Variants in TDP1 observed in about 807,000 individuals in gnomAD.
The protein encoded by TDP1 is tyrosyl-DNA phosphodiesterase 1.
A neutral mutation model predicts 81.5 loss-of-function variants in TDP1; 64 were observed. The observed-to-expected ratio is 0.79, with a 90% CI of 0.64 to 0.97. TDP1 has a LOEUF of 0.97. Among genes scored for constraint, TDP1 ranks in the 50% least tolerant of loss-of-function variants. The pLI is 0.00. For missense variants in TDP1, 723 were observed against 743.8 expected, an observed-to-expected ratio of 0.97 and a Z score of 0.33; for synonymous variants, 256 against 264.3, an observed-to-expected ratio of 0.97 and a Z score of 0.30.
chr14:89,998,670 C>T (rs910977667), intron 14 of TDP1, among the ~76,000 whole-genome samples: 2 of 151,510 alleles, frequency 1.3e-5, no homozygotes, highest in Non-Finnish European at 2.9e-5. Flanking sequence ...GGCCTTCTGA[C>T]GTGGTGACAT....
intron 2 of TDP1, among the ~76,000 whole-genome samples, chr14:89,961,032 CAG>C (rs1422794582): frequency 6.6e-6 from 1 of 152,120 alleles, no homozygotes; most frequent in Non-Finnish European, 1.5e-5. Context: ...GAGGGTAGAA[CAG>C]AGATTTATAC....
chr14:89,958,877 C>A (rs1402872438), intron 2 of TDP1, among the ~76,000 whole-genome samples: 1 of 152,236 alleles, frequency 6.6e-6, no homozygotes, highest in Non-Finnish European at 1.5e-5. Context: ...TGAATCCAAT[C>A]ATTCTTTTAC....
chr14:89,992,753 C>T (rs1896322908), intron 13 of TDP1, among the ~76,000 whole-genome samples: 1 of 152,144 alleles, frequency 6.6e-6, no homozygotes. Context: ...TCTGTTTTCA[C>T]AGACCATCTG....
chr14:89,982,362 C>G (rs1490944041), intron 8 of TDP1, among the ~76,000 whole-genome samples: 1 of 152,234 alleles, frequency 6.6e-6, no homozygotes, highest in East Asian at 1.9e-4. Flanking sequence ...CTTTGGTACC[C>G]CAAGAGCTTC....
intron 14 of TDP1, chr14:90,018,882 C>T: frequency 1.3e-6 from 1 of 783,598 alleles, no homozygotes. Flanking sequence ...ATTAGCACTA[C>T]CTGGCAAAAA....
At chr14:90,010,062 A>AG (rs1345834579) in intron 14 of TDP1, among the ~76,000 whole-genome samples, 6 of 152,270 alleles carry the variant, frequency 3.9e-5, no homozygotes. Flanking sequence ...ACCTTGAAGT[A>AG]GGCAAGATTT....
At chr14:90,034,855 TC>T (rs1323264705) in intron 16 of TDP1, among the ~76,000 whole-genome samples, 1 of 152,208 alleles carries the variant, frequency 6.6e-6, no homozygotes, top group East Asian at 1.9e-4. Context: ...GTTCCTCTGT[TC>T]CCTCAACAAT....
chr14:90,033,768 G>A (rs34084295), intron 16 of TDP1, among the ~76,000 whole-genome samples: 3,872 of 152,200 alleles, frequency 0.025, 148 homozygotes, highest in African/African-American at 0.085. Context: ...TAAATCTATT[G>A]TAACGTACAT....
intron 16 of TDP1, among the ~76,000 whole-genome samples, chr14:90,039,419 C>A (rs1460030006): frequency 1.3e-5 from 2 of 152,068 alleles, no homozygotes; most frequent in Non-Finnish European, 2.9e-5. Flanking sequence ...GCCCCCACAC[C>A]CTACTTTACT....
chr14:89,996,641 A>G (rs1400666418), intron 14 of TDP1, among the ~76,000 whole-genome samples: 4 of 152,228 alleles, frequency 2.6e-5, no homozygotes, highest in Admixed American at 1.3e-4. Flanking sequence ...CATGTCTACT[A>G]TTGAACAAGT....
intron 7 of TDP1, among the ~76,000 whole-genome samples, chr14:89,978,366 C>T (rs1399742): frequency 0.056 from 8,560 of 152,294 alleles, 515 homozygotes; most frequent in African/African-American, 0.15. Flanking sequence ...TTCTGTATTG[C>T]TGTGAAGACT....
chr14:89,993,507 T>A, intron 14 of TDP1, 24 bp downstream of exon 14: 1 of 1,610,522 alleles, frequency 6.2e-7, no homozygotes, highest in Non-Finnish European at 8.5e-7. Context: ...ACATTCCTGA[T>A]GGGAGAAATC....
At chr14:90,023,387 T>A (rs1479122824) in intron 15 of TDP1, among the ~76,000 whole-genome samples, 2 of 152,134 alleles carry the variant, frequency 1.3e-5, no homozygotes, top group Non-Finnish European at 2.9e-5. Context: ...AGGCTTGGAA[T>A]TCCAATCTGA....
chr14:90,022,914 G>A (rs866442622), intron 15 of TDP1: 16 of 762,448 alleles, frequency 2.1e-5, no homozygotes, highest in Admixed American at 9.0e-5. Flanking sequence ...GGAACAGCCC[G>A]ACGGTTCCCT....
chr14:89,967,362 T>A lies in TDP1; in HGVS notation c.604-5T>A. The A allele has an allele frequency of 6.2e-7, 1 of 1,613,934 alleles. No individual in the cohort carries two copies. Among genetic ancestry groups the A allele is most frequent in the East Asian group, 2.2e-5 (1 of 44,874 alleles). On this transcript the variant is annotated splice_polypyrimidine_tract_variant and splice_region_variant and intron_variant, in intron 4 of 16. Transcript: ENST00000335725. ...GCTTAGTTACTCTTCTTTTCTCCCA[T>A]CTAGTTTAACTACTGCTTTGACGTG... is the stretch of plus-strand genomic sequence containing the variant.
In TDP1 at chr14:89,963,420, G is replaced by A. The variant is rs1181053552; in HGVS notation, c.306G>A (p.Gln102=). The A allele has an allele frequency of 6.2e-7, 1 of 1,614,142 alleles. No homozygotes were observed. The highest frequency in any genetic ancestry group is 1.7e-5 in the Admixed American group (1 of 60,020). ...ATGAGCTGCAACCAGAAATGCCGCA[G>A]AAGCAGGCTGAGAAAGTGGTGATCA... ...SDDELQPEMP[Q]KQAEKVVIKK... is the part of the protein sequence containing the mutation. Residue 102 remains glutamine, a synonymous_variant, in exon 3 of 17, where the codon CAG becomes CAA. Transcript: ENST00000335725.
chr14:90,020,485 TC>T (rs1885872707), intron 15 of TDP1, among the ~76,000 whole-genome samples: 1 of 31,952 alleles, frequency 3.1e-5, no homozygotes, highest in Admixed American at 3.4e-4. Flanking sequence ...CTTCCCTCCC[TC>T]CCTCCCTCCC....
At chr14:90,028,939 AC>A (rs764682768) in intron 15 of TDP1, among the ~76,000 whole-genome samples, 22 of 152,150 alleles carry the variant, frequency 1.4e-4, no homozygotes, top group Non-Finnish European at 2.5e-4. Context: ...GTCATTTTTT[AC>A]CTGAAACTCC....
At chr14:89,985,582 C>T (rs1555387836) in intron 10 of TDP1, among the ~76,000 whole-genome samples, 7 of 152,108 alleles carry the variant, frequency 4.6e-5, no homozygotes, top group Non-Finnish European at 1.0e-4. Context: ...TACAACTGAG[C>T]TATAATATAT....
Sources: allele counts gnomAD v4.1 joint callset (sites outside exome capture counted in the v4.1 genomes callset), GRCh38; gene constraint gnomAD v4.1.1; transcripts MANE v1.5; gene names NCBI Gene and HGNC (gene_info 2026-07-23, HGNC 2026-07-21).